The following ZMYND8 variants were observed in gnomAD, a reference collection of about 807,000 sequenced individuals.
The protein encoded by ZMYND8 is MYND-type zinc finger-containing chromatin reader ZMYND8.
A neutral mutation model predicts 140.8 loss-of-function variants in ZMYND8; 37 were observed. The ratio of observed to expected loss-of-function variants is 0.26; its 90% CI spans 0.20 to 0.35. The LOEUF is 0.35. Among genes scored for constraint, ZMYND8 ranks in the 10% least tolerant of loss-of-function variants. ZMYND8 has a pLI of 1.00. For missense variants in ZMYND8, 1,068 were observed against 1,570.0 expected (o/e 0.68, Z 5.40); for synonymous variants, 592 against 597.1 (o/e 0.99, Z 0.12).
At chr20:47,308,270 G>GTGCAATTA (rs1277503761) in intron 3 of ZMYND8, among the ~76,000 whole-genome samples, 3 of 148,382 alleles carry the variant, frequency 2.0e-5, no homozygotes, top group Non-Finnish European at 3.0e-5. Flanking sequence ...CCAGGCTGGA[G>GTGCAATTA]TGCAATTATA....
At chr20:47,231,153 C>T (rs1568929646) in intron 16 of ZMYND8, among the ~76,000 whole-genome samples, 1 of 152,196 alleles carries the variant, frequency 6.6e-6, no homozygotes, top group Non-Finnish European at 1.5e-5. Flanking sequence ...CTGCAGCAGG[C>T]ACCCAGGGAT....
chr20:47,331,533 A>G (rs141592612), intron 2 of ZMYND8, among the ~76,000 whole-genome samples: 3 of 152,302 alleles, frequency 2.0e-5, no homozygotes, highest in African/African-American at 7.2e-5. Flanking sequence ...GGTTGGAAAC[A>G]TAAATGTCTG....
intron 12 of ZMYND8, among the ~76,000 whole-genome samples, chr20:47,255,803 C>CATAT (rs1569009387): frequency 2.8e-4 from 13 of 47,084 alleles, no homozygotes; most frequent in Non-Finnish European, 4.6e-4. Context: ...ATATATATAC[C>CATAT]GTATATATAT....
At chr20:47,336,627 C>T (rs1298820797) in intron 2 of ZMYND8, among the ~76,000 whole-genome samples, 1 of 152,220 alleles carries the variant, frequency 6.6e-6, no homozygotes, top group Non-Finnish European at 1.5e-5. Flanking sequence ...CCAAATTCTG[C>T]AATGAATTGT....
intron 12 of ZMYND8, among the ~76,000 whole-genome samples, chr20:47,251,535 C>G (rs1038889165): frequency 1.3e-5 from 2 of 151,058 alleles, no homozygotes; most frequent in Admixed American, 1.3e-4. Flanking sequence ...TGCAGTGAGC[C>G]ATGATTGCGT....
intron 2 of ZMYND8, chr20:47,320,305 C>G (rs1401677150): frequency 6.6e-6 from 1 of 152,292 alleles, no homozygotes; most frequent in Non-Finnish European, 1.5e-5. Context: ...AGGCAAAATT[C>G]TCTACTGAAA....
At chr20:47,267,858 C>T (rs777690305) in intron 11 of ZMYND8, among the ~76,000 whole-genome samples, 9 of 152,222 alleles carry the variant, frequency 5.9e-5, no homozygotes, top group East Asian at 3.8e-4. Flanking sequence ...AAGGCTTTCA[C>T]GCCCACCCTA....
chr20:47,275,949 A>G (rs2076231471), intron 11 of ZMYND8, among the ~76,000 whole-genome samples: 1 of 152,162 alleles, frequency 6.6e-6, no homozygotes, highest in South Asian at 2.1e-4. Flanking sequence ...TAAGATTTGC[A>G]CTGTTTAATA....
intron 8 of ZMYND8, among the ~76,000 whole-genome samples, chr20:47,284,317 G>A (rs865975849): frequency 9.9e-5 from 15 of 152,126 alleles, no homozygotes; most frequent in Non-Finnish European, 4.4e-5. Flanking sequence ...TTCTCTGTCA[G>A]AGCACTTTAA....
At chr20:47,254,135 A>G (rs1324299149) in intron 12 of ZMYND8, among the ~76,000 whole-genome samples, 1 of 152,238 alleles carries the variant, frequency 6.6e-6, no homozygotes, top group Non-Finnish European at 1.5e-5. Flanking sequence ...TATATCGGGA[A>G]TATCTTCAGA....
intron 21 of ZMYND8, among the ~76,000 whole-genome samples, chr20:47,216,495 CAA>C (rs10536216): frequency 0.035 from 2,067 of 59,164 alleles, 57 homozygotes; most frequent in African/African-American, 0.12. Context: ...GACTCTGTCT[CAA>C]AAAAAAAAAA....
At chr20:47,281,766 G>A (rs2147862492) in intron 10 of ZMYND8, among the ~76,000 whole-genome samples, 1 of 152,204 alleles carries the variant, frequency 6.6e-6, no homozygotes, top group East Asian at 1.9e-4. Context: ...AGTTTCCATG[G>A]AGGTTTAATT....
chr20:47,284,521 C>G (rs1163906526), intron 8 of ZMYND8, among the ~76,000 whole-genome samples: 1 of 152,196 alleles, frequency 6.6e-6, no homozygotes, highest in Non-Finnish European at 1.5e-5. Context: ...AATGACCTGA[C>G]AGGTTCCCTC....
chr20:47,329,036 A>T (rs2080711404), intron 2 of ZMYND8, among the ~76,000 whole-genome samples: 1 of 152,196 alleles, frequency 6.6e-6, no homozygotes, highest in Non-Finnish European at 1.5e-5. Flanking sequence ...GCCTGAACAA[A>T]ACACACCAAC....
intron 2 of ZMYND8, among the ~76,000 whole-genome samples, chr20:47,324,459 T>C (rs537769625): frequency 1.3e-5 from 2 of 151,992 alleles, no homozygotes; most frequent in African/African-American, 4.8e-5. Flanking sequence ...GCGGAGGCTG[T>C]AGTGAGCCGA....
At chr20:47,255,588 G>C (rs1004356543) in intron 12 of ZMYND8, among the ~76,000 whole-genome samples, 1 of 45,152 alleles carries the variant, frequency 2.2e-5, no homozygotes. Context: ...GTGTGTGTGT[G>C]TGTGTGTATA....
At chr20:47,275,318 CCT>C (rs2076191682) in intron 11 of ZMYND8, among the ~76,000 whole-genome samples, 1 of 151,978 alleles carries the variant, frequency 6.6e-6, no homozygotes, top group Admixed American at 6.6e-5. Flanking sequence ...ATGGTGAAAC[CCT>C]GTCTCTACTA....
intron 2 of ZMYND8, among the ~76,000 whole-genome samples, chr20:47,310,750 C>T (rs1298479255): frequency 1.4e-5 from 2 of 147,400 alleles, no homozygotes; most frequent in African/African-American, 5.1e-5. Flanking sequence ...TGTGTCACTG[C>T]ACTCCAGCCT....
At chr20:47,319,228 C>T (rs1461219658) in intron 2 of ZMYND8, 13 of 367,996 alleles carry the variant, frequency 3.5e-5, no homozygotes, top group South Asian at 4.1e-5. Context: ...CCCGGGCTTT[C>T]GCCTATAATT....
Sources: gnomAD v4.1 joint callset for allele counts (sites outside exome capture counted in the v4.1 genomes callset) on GRCh38, gnomAD v4.1.1 for gene constraint, MANE v1.5 for transcripts, NCBI Gene and HGNC (gene_info 2026-07-23, HGNC 2026-07-21) for gene names.